CNTN1: variants seen among roughly 807,000 people sequenced by gnomAD.
CNTN1 encodes contactin 1.
CNTN1 carries 38 observed loss-of-function variants against 126.4 expected under a neutral mutation model. The observed-to-expected ratio is 0.30, with a 90% CI of 0.23 to 0.39. The LOEUF (loss-of-function observed/expected upper bound fraction) is 0.39. CNTN1 is among the 10% of genes least tolerant of loss of function. The pLI is 1.00. For synonymous variants in CNTN1, 413 were observed against 422.6 expected, an observed-to-expected ratio of 0.98 and a Z score of 0.28; for missense variants, 1,009 against 1,248.4, an observed-to-expected ratio of 0.81 and a Z score of 2.89.
intron 23 of CNTN1, among the ~76,000 whole-genome samples, chr12:41,036,398 G>A (rs1218516782): frequency 6.6e-6 from 1 of 152,070 alleles, no homozygotes; most frequent in Non-Finnish European, 1.5e-5. Context: ...GTTTTTTATG[G>A]TAATCATCAA....
intron 3 of CNTN1, among the ~76,000 whole-genome samples, chr12:40,910,322 A>G (rs908083877): frequency 1.3e-5 from 2 of 152,252 alleles, no homozygotes; most frequent in African/African-American, 4.8e-5. Context: ...GGATTGTAGC[A>G]AATGGAAAAT....
Position 40,915,961 on chromosome 12 carries a change from T to G in CNTN1, c.95-2678T>G, listed in dbSNP as rs554782389. On this transcript the variant is annotated intron_variant, in intron 3 of 23. Coordinates refer to ENST00000551295, the MANE Select transcript of CNTN1 (RefSeq NM_001843.4). Reference sequence around the variant, plus strand: ...GTGTATGCATACTTGCAACACAAATTCATTTCTCCTTAAATCTCCTTACAT... The same window carrying G: ...GTGTATGCATACTTGCAACACAAATGCATTTCTCCTTAAATCTCCTTACAT... Among the ~76,000 whole-genome samples, 3 of 152,234 alleles carry G rather than the reference T, an allele frequency of 2.0e-5. 1 individual carries two copies. Among genetic ancestry groups the G allele is most frequent in the African/African-American group, 4.8e-5 (2 of 41,580 alleles).
chr12:40,846,019 T>C lies in CNTN1; in HGVS notation c.-76-62338T>C, dbSNP rs1592151437. ...ACTTTCGAGTGTGATCTAAAATGAA[T>C]TCAGCAAACAGATCTATGGGAAATA... is the stretch of plus-strand genomic sequence containing the variant. On this transcript the variant is annotated intron_variant, in intron 1 of 23. Transcript: ENST00000551295. Among the ~76,000 whole-genome samples, 3 of 152,296 alleles carry C rather than the reference T, an allele frequency of 2.0e-5. No individual in the cohort carries two copies. In the Middle Eastern group the frequency reaches 0.01, roughly 518 times the overall value.
chr12:40,943,879 T>A, intron 13 of CNTN1, 116 bp from the exon 14 acceptor site: 1 of 1,376,216 alleles, frequency 7.3e-7, no homozygotes, highest in Non-Finnish European at 1.0e-6. Flanking sequence ...AATTTGGAAG[T>A]GAAAACATCT....
intron 17 of CNTN1, among the ~76,000 whole-genome samples, chr12:41,011,727 C>T (rs1948659387): frequency 6.6e-6 from 1 of 152,194 alleles, no homozygotes; most frequent in South Asian, 2.1e-4. Flanking sequence ...GCAATTGTTG[C>T]ACTCGCCTCC....
At chr12:40,815,120 C>G (rs1941214912) in intron 1 of CNTN1, among the ~76,000 whole-genome samples, 1 of 152,042 alleles carries the variant, frequency 6.6e-6, no homozygotes, top group African/African-American at 2.4e-5. Flanking sequence ...TTAGGATTGT[C>G]TTGGCTATTT....
At chr12:40,783,448 AC>A (rs1327441037) in intron 1 of CNTN1, among the ~76,000 whole-genome samples, 1 of 151,990 alleles carries the variant, frequency 6.6e-6, no homozygotes, top group African/African-American at 2.4e-5. Flanking sequence ...AGTTTGCTTG[AC>A]CTTAAAATGT....
intron 1 of CNTN1, among the ~76,000 whole-genome samples, chr12:40,744,528 T>A (rs2136387220): frequency 6.6e-6 from 1 of 152,180 alleles, no homozygotes; most frequent in African/African-American, 2.4e-5. Flanking sequence ...ATTGAAGGAA[T>A]TCCTGTTAAC....
At chr12:41,009,028 AC>A (rs1320454780) in intron 17 of CNTN1, among the ~76,000 whole-genome samples, 1 of 152,186 alleles carries the variant, frequency 6.6e-6, no homozygotes, top group African/African-American at 2.4e-5. Flanking sequence ...CAGAGTGACT[AC>A]TGCATATCCT....
chr12:40,798,100 A>G (rs1009785558), intron 1 of CNTN1, among the ~76,000 whole-genome samples: 1 of 152,046 alleles, frequency 6.6e-6, no homozygotes, highest in African/African-American at 2.4e-5. Flanking sequence ...GTGGATGAAA[A>G]TATCTAGGGA....
chr12:41,007,639 G>T (rs180839736), intron 17 of CNTN1, among the ~76,000 whole-genome samples: 3 of 152,266 alleles, frequency 2.0e-5, no homozygotes, highest in Admixed American at 6.5e-5. Context: ...GGCGGTGCCT[G>T]ATTTACATAG....
chr12:40,871,831 T>A (rs12310421), intron 1 of CNTN1, among the ~76,000 whole-genome samples: 34,175 of 151,964 alleles, frequency 0.22, 5,520 homozygotes, highest in African/African-American at 0.46. Flanking sequence ...TGGTGGTAGT[T>A]TGACAGAAAA....
chr12:41,015,934 G>A (rs968517836), intron 18 of CNTN1, among the ~76,000 whole-genome samples: 2 of 152,186 alleles, frequency 1.3e-5, no homozygotes, highest in Non-Finnish European at 2.9e-5. Flanking sequence ...TAGAATTGGA[G>A]ATAGAAACCC....
At chr12:41,007,045 GTTTTTTTTTTTTTTTTT>G (rs71078294) in intron 17 of CNTN1, among the ~76,000 whole-genome samples, 7 of 69,198 alleles carry the variant, frequency 1.0e-4, no homozygotes, top group Non-Finnish European at 1.5e-4. Flanking sequence ...GTTTTGTGTG[GTTTTTTTTTTTTTTTTT>G]TTTTTTTTTT....
chr12:40,983,786 A>G (rs1592361502), intron 16 of CNTN1, among the ~76,000 whole-genome samples: 1 of 147,778 alleles, frequency 6.8e-6, no homozygotes, highest in South Asian at 2.1e-4. Context: ...ATATAGTAAT[A>G]TAGTTATATA....
chr12:40,892,551 A>G (rs1944274642), intron 1 of CNTN1, among the ~76,000 whole-genome samples: 2 of 152,110 alleles, frequency 1.3e-5, no homozygotes, highest in African/African-American at 4.8e-5. Flanking sequence ...GAGATGAAAA[A>G]TCATAGCCAA....
intron 16 of CNTN1, among the ~76,000 whole-genome samples, chr12:40,982,959 G>T (rs1215928522): frequency 7.1e-6 from 1 of 140,894 alleles, no homozygotes; most frequent in Admixed American, 7.1e-5. Flanking sequence ...GGGGGAGGGG[G>T]GAGGATAGCA....
At chr12:40,831,576 ATCTTTCTTT>A (rs1592135842) in intron 1 of CNTN1, among the ~76,000 whole-genome samples, 1 of 152,122 alleles carries the variant, frequency 6.6e-6, no homozygotes, top group East Asian at 1.9e-4. Flanking sequence ...CATATGAAAC[ATCTTTCTTT>A]CAGATATGCT....
intron 23 of CNTN1, among the ~76,000 whole-genome samples, chr12:41,037,450 G>A (rs1033725380): frequency 6.6e-6 from 1 of 151,968 alleles, no homozygotes; most frequent in African/African-American, 2.4e-5. Context: ...ACAGTAATAT[G>A]CTTATGCTGT....
Sources: gnomAD v4.1 joint callset for allele counts (sites outside exome capture counted in the v4.1 genomes callset) on GRCh38, gnomAD v4.1.1 for gene constraint, MANE v1.5 for transcripts, NCBI Gene and HGNC (gene_info 2026-07-23, HGNC 2026-07-21) for gene names.